The following BRCA2 variants were observed in gnomAD, a reference collection of about 807,000 sequenced individuals.
BRCA2 encodes the protein BRCA2 DNA repair associated.
BRCA2 carries 203 observed loss-of-function variants against 276.7 expected under a neutral mutation model. The observed-to-expected ratio is 0.73, with a 90% CI of 0.65 to 0.82. The LOEUF is 0.82. BRCA2 is among the 40% of genes least tolerant of loss of function. The probability of loss-of-function intolerance (pLI) is 0.00; values close to 1 mark genes in which losing one functional copy is unlikely to be tolerated. For missense variants in BRCA2, 3,920 were observed against 3,915.0 expected (o/e 1.00, Z -0.03); for synonymous variants, 1,289 against 1,338.4 (o/e 0.96, Z 0.81).
intron 12 of BRCA2, among the ~76,000 whole-genome samples, chr13:32,344,900 ATAT>A (rs2072601024): frequency 1.3e-5 from 2 of 152,152 alleles, no homozygotes; most frequent in Non-Finnish European, 2.9e-5. Flanking sequence ...AAAATTAGTA[ATAT>A]TATGCGTTGG....
chr13:32,362,517 G>C lies in BRCA2; in HGVS notation c.7806-6G>C, dbSNP rs1555286811. On this transcript the variant is annotated splice_polypyrimidine_tract_variant and splice_region_variant and intron_variant, in intron 16 of 26. Coordinates refer to ENST00000380152, the MANE Select transcript of BRCA2 (RefSeq NM_000059.4). ...TTATGATAATATTCTACTTTTATTT[G>C]TTCAGGGCTCTGTGTGACACTCCAG... 1 of 1,612,972 alleles carries C rather than the reference G, an allele frequency of 6.2e-7. No homozygotes were observed. The highest frequency in any genetic ancestry group is 8.5e-7 in the Non-Finnish European group (1 of 1,179,084).
At chr13:32,323,899 T>C (rs930515924) in intron 3 of BRCA2, among the ~76,000 whole-genome samples, 1 of 152,190 alleles carries the variant, frequency 6.6e-6, no homozygotes, top group South Asian at 2.1e-4. Flanking sequence ...ATTGAAAAAC[T>C]GTAAATTGGA....
chr13:32,321,165 G>A (rs2072303490), intron 3 of BRCA2, among the ~76,000 whole-genome samples: 1 of 152,086 alleles, frequency 6.6e-6, no homozygotes, highest in Non-Finnish European at 1.5e-5. Flanking sequence ...CAAATGACAG[G>A]GCAAAGCATA....
At chr13:32,353,833 A>G (rs1340370363) in intron 13 of BRCA2, among the ~76,000 whole-genome samples, 1 of 152,230 alleles carries the variant, frequency 6.6e-6, no homozygotes, top group Non-Finnish European at 1.5e-5. Context: ...GCTGAGAAAG[A>G]TGATCACTTT....
In BRCA2 at chr13:32,315,981, A is replaced by G. The variant is rs563843331; in HGVS notation, c.-40+314A>G. On this transcript the variant is annotated intron_variant, in intron 1 of 26. Transcript: ENST00000380152. ...CCATCTGAAATTTCTTGGAAACACG[A>G]TCACTTTAACGGAATATTGCTGTTT... Among the ~76,000 whole-genome samples, 183 of 152,288 alleles carry G rather than the reference A, an allele frequency of 1.2e-3. 1 individual carries two copies. The highest frequency in any genetic ancestry group is 4.3e-3 in the African/African-American group (177 of 41,552).
chr13:32,356,472 C>T lies in BRCA2; in HGVS notation c.7480C>T (p.Arg2494Ter), dbSNP rs80358972. 25 of 1,613,878 alleles carry T rather than the reference C, an allele frequency of 1.5e-5. No homozygotes were observed. Among genetic ancestry groups the T allele is most frequent in the East Asian group, 4.5e-5 (2 of 44,888 alleles). Reference protein sequence around the residue: ...LQNARDIQDMRIKKKQRQRVF... With the variant: ...LQNARDIQDM ...GAATGCCAGAGATATACAGGATATG[C>T]GAATTAAGAAGAAACAAAGGCAACG... The change falls in exon 15 of 27, where the codon CGA (arginine) becomes TGA (stop). Residue 2494 changes from arginine to a stop codon, truncating the protein, a stop_gained. Transcript: ENST00000380152. LOFTEE classifies it high-confidence loss of function.
intron 24 of BRCA2, 133 bp from the exon 25 acceptor site, chr13:32,394,556 T>C: frequency 8.5e-7 from 1 of 1,175,204 alleles, no homozygotes; most frequent in Non-Finnish European, 1.2e-6. Context: ...TTTCGCCAAA[T>C]TCAGCTATTT....
intron 25 of BRCA2, chr13:32,396,027 A>T (rs1462615055): frequency 5.0e-6 from 1 of 198,536 alleles, no homozygotes; most frequent in Non-Finnish European, 9.0e-6. Context: ...AGGCTGGAGT[A>T]CAATAGCACA....
intron 20 of BRCA2, among the ~76,000 whole-genome samples, chr13:32,373,078 C>T (rs1014774169): frequency 5.3e-5 from 8 of 151,750 alleles, no homozygotes; most frequent in South Asian, 2.1e-4. Context: ...CTGCAACCTC[C>T]GCCTCCTGTT....
intron 13 of BRCA2, among the ~76,000 whole-genome samples, chr13:32,352,229 C>CTT (rs879682221): frequency 6.8e-6 from 1 of 147,086 alleles, no homozygotes; most frequent in African/African-American, 2.5e-5. Flanking sequence ...TTTTTCATTT[C>CTT]TTTTTTTTTT....
At chr13:32,328,393 C>T (rs552526929) in intron 7 of BRCA2, among the ~76,000 whole-genome samples, 4 of 152,140 alleles carry the variant, frequency 2.6e-5, no homozygotes, top group African/African-American at 9.6e-5. Flanking sequence ...AGGCACCCAC[C>T]ACCACGCCTG....
Position 32,394,942 on chromosome 13 carries a change from A to C in BRCA2, c.9501+9A>C, listed in dbSNP as rs81002867. 7.3e-5 allele frequency: 117 copies of C among 1,613,776 alleles called. No homozygotes were observed. The highest frequency in any genetic ancestry group is 1.3e-4 in the Admixed American group (8 of 60,008). ...TGAAAAATACTGTTGAGGTAAGGTT[A>C]CTTTTCAGCATCACCACACATTTTG... On this transcript the variant is annotated intron_variant, in intron 25 of 26. Transcript: ENST00000380152.
chr13:32,330,928 A>AG lies in BRCA2; in HGVS notation c.692dup (p.Ser231ArgfsTer7), dbSNP rs2072384782. The AG allele has an allele frequency of 6.2e-7, 1 of 1,607,752 alleles. No homozygotes were observed. On this transcript the variant is annotated frameshift_variant, in exon 9 of 27. Transcript: ENST00000380152. LOFTEE classifies it high-confidence loss of function. ...ACTATAATTTTTGCAGAATGTGAAA[A>AG]GCTATTTTTCCAATCATGATGAAAG...
At chr13:32,376,287 C>G (rs572796406) in intron 20 of BRCA2, among the ~76,000 whole-genome samples, 1 of 151,864 alleles carries the variant, frequency 6.6e-6, no homozygotes, top group Admixed American at 6.6e-5. Context: ...GTTTGGGAGT[C>G]CAAGGTGGTG....
chr13:32,339,450 G>A lies in BRCA2; in HGVS notation c.5095G>A (p.Asp1699Asn), dbSNP rs80358731. 381 of 1,587,408 alleles carry A rather than the reference G, an allele frequency of 2.4e-4. 4 individuals are homozygous for A. The South Asian group carries it at 4.2e-3, about 17-fold the overall frequency. ...AKKWLREGIFDGQPERINTAD... is the reference protein window; with the variant it reads ...AKKWLREGIFNGQPERINTAD... ...AAAATGGCTTAGAGAAGGAATATTTGATGGTCAACCAGAAAGAATAAATAC... is the reference window on the plus strand; with the variant it reads ...AAAATGGCTTAGAGAAGGAATATTTAATGGTCAACCAGAAAGAATAAATAC... Residue 1699 changes from aspartate to asparagine, a missense_variant, in exon 11 of 27, where the codon GAT becomes AAT. Asp to Asn is a conservative substitution (Grantham distance 23, BLOSUM62 1). This residue lies in a region of BRCA2 where 3,263 missense variants were observed against 3,156.9 expected (regional missense o/e 1.03). Transcript: ENST00000380152.
In BRCA2 at chr13:32,379,446, T is replaced by C; in HGVS notation, c.8884T>C (p.Leu2962=). ...MESAEQKEQG[L]SRDVTTVWKL... ...ATCTGCTGAACAAAAGGAACAAGGT[T>C]TATCAAGGGATGTCACAACCGTGTG... Residue 2962 remains leucine (L), a synonymous_variant, in exon 22 of 27, where the codon TTA becomes CTA. Transcript: ENST00000380152. 1 of 1,613,486 alleles carries C rather than the reference T, an allele frequency of 6.2e-7. No individual in the cohort carries two copies.
At chr13:32,378,110 T>C (rs746376199) in intron 21 of BRCA2, among the ~76,000 whole-genome samples, 8 of 152,246 alleles carry the variant, frequency 5.3e-5, no homozygotes, top group Admixed American at 1.3e-4. Flanking sequence ...ATATTATTTG[T>C]TGAAGCTTGT....
intron 24 of BRCA2, among the ~76,000 whole-genome samples, chr13:32,390,439 TA>T (rs567700915): frequency 1.8e-4 from 27 of 149,204 alleles, no homozygotes; most frequent in African/African-American, 6.2e-4. Flanking sequence ...AAACTAAATT[TA>T]AAAAAAAAAC....
intron 10 of BRCA2, among the ~76,000 whole-genome samples, chr13:32,335,507 C>A (rs920457802): frequency 1.4e-4 from 22 of 151,976 alleles, no homozygotes; most frequent in Admixed American, 1.2e-3. Context: ...AGTATATGGA[C>A]CCTGTTTTTA....
Sources: allele counts gnomAD v4.1 joint callset (sites outside exome capture counted in the v4.1 genomes callset), GRCh38; gene constraint gnomAD v4.1.1; regional missense constraint gnomAD v4.1.1; transcripts MANE v1.5; gene names NCBI Gene and HGNC (gene_info 2026-07-23, HGNC 2026-07-21).